NSMCE2: variants seen among roughly 807,000 people sequenced by gnomAD.
The protein encoded by NSMCE2 is E3 SUMO-protein ligase NSE2.
In NSMCE2, 24 loss-of-function variants were observed where a neutral mutation model predicts 23.8. The ratio of observed to expected loss-of-function variants is 1.01; its 90% CI spans 0.73 to 1.42. The LOEUF (loss-of-function observed/expected upper bound fraction) is 1.42, where lower values mean the gene tolerates loss of function less well. Among genes scored for constraint, NSMCE2 ranks in the 40% most tolerant of loss-of-function variants. NSMCE2 has a pLI of 0.00. For synonymous variants in NSMCE2, 92 were observed against 94.1 expected (o/e 0.98, Z 0.13); for missense variants, 284 against 296.5 (o/e 0.96, Z 0.31).
chr8:125,166,903 C>T (rs1214120025), intron 4 of NSMCE2, among the ~76,000 whole-genome samples: 1 of 152,208 alleles, frequency 6.6e-6, no homozygotes, highest in Non-Finnish European at 1.5e-5. Context: ...GTGGCATGCA[C>T]CTGTAGTCCT....
chr8:125,290,828 A>G (rs915950694), intron 5 of NSMCE2, among the ~76,000 whole-genome samples: 3 of 152,238 alleles, frequency 2.0e-5, no homozygotes, highest in African/African-American at 7.2e-5. Flanking sequence ...GCATAAAGTA[A>G]AAAGGATAAT....
At chr8:125,104,103 G>T (rs1400098519) in intron 3 of NSMCE2, among the ~76,000 whole-genome samples, 1 of 151,270 alleles carries the variant, frequency 6.6e-6, no homozygotes, top group Non-Finnish European at 1.5e-5. Context: ...CGATTCTCCT[G>T]CCTCAGCCTT....
chr8:125,291,996 A>G (rs886412712), intron 5 of NSMCE2, among the ~76,000 whole-genome samples: 1 of 152,136 alleles, frequency 6.6e-6, no homozygotes, highest in African/African-American at 2.4e-5. Flanking sequence ...AATTCATTCA[A>G]GCTGGTCCAT....
At chr8:125,279,910 G>A (rs956731724) in intron 5 of NSMCE2, among the ~76,000 whole-genome samples, 1 of 152,140 alleles carries the variant, frequency 6.6e-6, no homozygotes, top group African/African-American at 2.4e-5. Context: ...TAACCCCAGC[G>A]CAGTCATCTA....
chr8:125,142,048 A>G (rs766008095), intron 3 of NSMCE2, among the ~76,000 whole-genome samples: 19 of 152,212 alleles, frequency 1.2e-4, no homozygotes, highest in Non-Finnish European at 1.8e-4. Flanking sequence ...TAAGAGAGCT[A>G]GGAAGATGAT....
intron 5 of NSMCE2, among the ~76,000 whole-genome samples, chr8:125,212,057 C>G (rs999521986): frequency 1.3e-5 from 2 of 152,136 alleles, no homozygotes; most frequent in African/African-American, 4.8e-5. Flanking sequence ...CCATCTGTCT[C>G]TATAATTTTG....
intron 5 of NSMCE2, among the ~76,000 whole-genome samples, chr8:125,299,063 T>G (rs1302808041): frequency 6.6e-6 from 1 of 152,254 alleles, no homozygotes; most frequent in African/African-American, 2.4e-5. Flanking sequence ...TCTGTTATTT[T>G]CTTCTGTATT....
chr8:125,262,687 G>A (rs1421485144), intron 5 of NSMCE2, among the ~76,000 whole-genome samples: 1 of 151,664 alleles, frequency 6.6e-6, no homozygotes, highest in African/African-American at 2.4e-5. Context: ...CATTACACTG[G>A]AAGTCTAGTT....
At chr8:125,215,458 T>C in intron 5 of NSMCE2, among the ~76,000 whole-genome samples, 1 of 151,920 alleles carries the variant, frequency 6.6e-6, no homozygotes, top group Non-Finnish European at 1.5e-5. Context: ...ACATTTGGGT[T>C]GGTTCCAAGT....
chr8:125,096,901 C>T lies in NSMCE2; in HGVS notation c.-111+4943C>T, dbSNP rs139162003. Among the ~76,000 whole-genome samples the T allele has an allele frequency of 4.9e-3, 753 of 152,210 alleles. 9 individuals carry two copies. The highest frequency in any genetic ancestry group is 0.017 in the African/African-American group (719 of 41,532). On this transcript the variant is annotated intron_variant, in intron 1 of 7. Coordinates refer to ENST00000287437, the MANE Select transcript of NSMCE2 (RefSeq NM_173685.4). ...CTGGGATTACAGGCGGGAGCCACCA[C>T]ACCTGGCCCTCTGTGTAGAATCCTA... is the stretch of plus-strand genomic sequence containing the variant.
chr8:125,294,648 C>A (rs1004212559), intron 5 of NSMCE2, among the ~76,000 whole-genome samples: 4 of 152,148 alleles, frequency 2.6e-5, no homozygotes, highest in African/African-American at 9.7e-5. Context: ...GATTGACTTT[C>A]TAAAACAAAA....
chr8:125,181,968 T>A, intron 4 of NSMCE2, 135 bp from the exon 5 acceptor site: 1 of 688,830 alleles, frequency 1.5e-6, no homozygotes, highest in African/African-American at 1.8e-5. Context: ...ACCTCTCTGG[T>A]GCTTTGTTCA....
Position 125,138,746 on chromosome 8 carries a change from G to A in NSMCE2, c.158-12425G>A, listed in dbSNP as rs73704540. Among the ~76,000 whole-genome samples, 622 of 152,288 alleles carry A rather than the reference G, an allele frequency of 4.1e-3. 8 individuals carry two copies. The highest frequency in any genetic ancestry group is 0.014 in the African/African-American group (593 of 41,544). ...ATTGTTATTTATCCTGGGAAGCAAA[G>A]ATTCGCAGGGTAGGAGATATTTAGT... On this transcript the variant is annotated intron_variant, in intron 3 of 7. Transcript: ENST00000287437.
chr8:125,272,679 T>C (rs1827253490), intron 5 of NSMCE2, among the ~76,000 whole-genome samples: 1 of 126,570 alleles, frequency 7.9e-6, no homozygotes, highest in Non-Finnish European at 1.7e-5. Context: ...ATTATGTATA[T>C]ATATATCCCA....
chr8:125,245,339 A>AT lies in NSMCE2; in HGVS notation c.418+63084dup, dbSNP rs553797472. Among the ~76,000 whole-genome samples, 55 of 152,356 alleles carry AT rather than the reference A, an allele frequency of 3.6e-4. 1 individual carries two copies. In the South Asian group the frequency reaches 0.01, roughly 29 times the overall value. On this transcript the variant is annotated intron_variant, in intron 5 of 7. Transcript: ENST00000287437. ...ATTGGACTTGCCACATTCTCTCACCATAATGCTGACAAATACACATTTACA... is the reference window on the plus strand; with the variant it reads ...ATTGGACTTGCCACATTCTCTCACCATTAATGCTGACAAATACACATTTACA...
At chr8:125,347,931 G>A (rs1308256950) in intron 5 of NSMCE2, among the ~76,000 whole-genome samples, 2 of 152,336 alleles carry the variant, frequency 1.3e-5, no homozygotes, top group East Asian at 3.9e-4. Flanking sequence ...TAAGGGGGTG[G>A]TAGAGTTGTT....
chr8:125,262,462 G>A (rs1489285509), intron 5 of NSMCE2, among the ~76,000 whole-genome samples: 1 of 152,054 alleles, frequency 6.6e-6, no homozygotes, highest in African/African-American at 2.4e-5. Context: ...TTTTGTGAAA[G>A]TATATGAGTC....
intron 5 of NSMCE2, among the ~76,000 whole-genome samples, chr8:125,302,186 G>A (rs1408541476): frequency 1.3e-5 from 2 of 151,966 alleles, no homozygotes; most frequent in African/African-American, 4.8e-5. Flanking sequence ...TGAACTCCTG[G>A]CCTCAAGTCA....
chr8:125,212,565 T>C (rs191318291), intron 5 of NSMCE2, among the ~76,000 whole-genome samples: 17 of 152,288 alleles, frequency 1.1e-4, no homozygotes, highest in Non-Finnish European at 1.6e-4. Flanking sequence ...AGGTACGTGT[T>C]CAGTACCAAA....
Sources: allele counts gnomAD v4.1 joint callset (sites outside exome capture counted in the v4.1 genomes callset), GRCh38; gene constraint gnomAD v4.1.1; transcripts MANE v1.5; gene names NCBI Gene and HGNC (gene_info 2026-07-23, HGNC 2026-07-21).